Variants in AP4B1 observed in about 807,000 individuals in gnomAD.
The protein encoded by AP4B1 is AP-4 complex subunit beta-1.
Under a neutral mutation model 76.5 loss-of-function variants are expected in AP4B1, and 49 were observed. That is an observed-to-expected ratio of 0.64 (90% CI 0.51 to 0.81). The LOEUF is 0.81. AP4B1 is among the 40% of genes least tolerant of loss of function. AP4B1 has a pLI of 0.00. For missense variants in AP4B1, 911 were observed against 904.9 expected (o/e 1.01, Z -0.09); for synonymous variants, 330 against 333.3 (o/e 0.99, Z 0.11).
rs1444723070 is a variant in AP4B1, at chr1:113,904,593, G to C, written c.113+12C>G. On this transcript the variant is annotated intron_variant, in intron 1 of 9. Coordinates refer to ENST00000369569, the MANE Select transcript of AP4B1 (RefSeq NM_001253852.3). ...AGGGAGCAGTTAGCACGCGAAGGGA[G>C]GTAGGTGATACCTAATCACTCGCTG... 1.9e-6 allele frequency: 3 copies of C among 1,612,456 alleles called. No individual in the cohort carries two copies. Among genetic ancestry groups the C allele is most frequent in the Non-Finnish European group, 2.5e-6 (3 of 1,178,528 alleles).
intron 6 of AP4B1, among the ~76,000 whole-genome samples, chr1:113,898,271 G>A (rs1362032818): frequency 6.6e-6 from 1 of 152,160 alleles, no homozygotes; most frequent in African/African-American, 2.4e-5. Context: ...CCAGGCCTGG[G>A]AAAATGATAA....
intron 3 of AP4B1, 21 bp downstream of exon 3, chr1:113,901,734 G>T: frequency 6.2e-7 from 1 of 1,614,074 alleles, no homozygotes; most frequent in South Asian, 1.1e-5. Flanking sequence ...CATTGACCAT[G>T]ATGGATTACA....
chr1:113,900,397 C>T lies in AP4B1; in HGVS notation c.621G>A (p.Met207Ile), dbSNP rs1279396868. The T allele has an allele frequency of 6.2e-7, 1 of 1,613,340 alleles. No homozygotes were observed. The highest frequency in any genetic ancestry group is 1.3e-5 in the African/African-American group (1 of 75,012). Residue 207 changes from methionine to isoleucine, a missense_variant, in exon 5 of 10, where the codon ATG becomes ATA. Met to Ile is a conservative substitution (Grantham distance 10). Transcript: ENST00000369569. ...KPIAHHLLNR[M>I]SKLDQWGQAE... Reference sequence around the variant, plus strand: ...CCTGGCCCCATTGGTCCAGTTTTGACATTCTATCCAAAAAACAAAACAAAA... The same window carrying T: ...CCTGGCCCCATTGGTCCAGTTTTGATATTCTATCCAAAAAACAAAACAAAA...
chr1:113,899,875 C>T (rs1391634567), intron 5 of AP4B1, 29 bp downstream of exon 5: 7 of 1,614,058 alleles, frequency 4.3e-6, no homozygotes, highest in Non-Finnish European at 5.9e-6. Flanking sequence ...GGTCTAGGTT[C>T]TCAAGAAGGA....
At position 113,895,054 on chromosome 1, in the gene AP4B1, A is replaced by ACT; in HGVS notation, c.*10_*11insAG. The ACT allele has an allele frequency of 6.2e-7, 1 of 1,611,404 alleles. No homozygotes were observed. Among genetic ancestry groups the ACT allele is most frequent in the Non-Finnish European group, 8.5e-7 (1 of 1,178,530 alleles). ...TTATTCATCTTACTCTAGACAAGCA[A>ACT]CAAGACTCTGTTATGATTTTATTTC... On this transcript the variant is annotated 3_prime_UTR_variant, in exon 10 of 10. Transcript: ENST00000369569.
rs1302633687 is a variant in AP4B1 at position 113,902,816 on chromosome 1, C to T, written c.160G>A (p.Val54Met). 3.0e-5 allele frequency: 49 copies of T among 1,614,080 alleles called. No individual in the cohort carries two copies. Among genetic ancestry groups the T allele is most frequent in the Non-Finnish European group, 3.8e-5 (45 of 1,180,042 alleles). Reference sequence around the variant, plus strand: ...ATATCTACAGTGGCACTGGCCTTCACCATTTCCATAAAAACACCAGACATG... The same window carrying T: ...ATATCTACAGTGGCACTGGCCTTCATCATTTCCATAAAAACACCAGACATG... ...LDMSGVFMEMVKASATVDIVQ... is the reference protein window; with the variant it reads ...LDMSGVFMEMMKASATVDIVQ... Residue 54 changes from valine (V) to methionine (M), a missense_variant, in exon 2 of 10, where the codon GTG becomes ATG. By Grantham distance (21) the Val-to-Met change is conservative (BLOSUM62 1). Coordinates refer to ENST00000369569, the MANE Select transcript of AP4B1 (RefSeq NM_001253852.3).
upstream of AP4B1, chr1:113,904,839 C>A (rs1348106633): frequency 2.2e-6 from 2 of 902,294 alleles, 1 homozygote; most frequent in South Asian, 2.6e-5. Context: ...AAGGCGAGAT[C>A]TCGCCTCAGG....
intron 4 of AP4B1, chr1:113,901,000 G>T: frequency 2.0e-6 from 1 of 510,968 alleles, no homozygotes; most frequent in Non-Finnish European, 3.5e-6. Flanking sequence ...CCAGCTACTC[G>T]GGAGGCTGAG....
intron 1 of AP4B1, among the ~76,000 whole-genome samples, chr1:113,904,137 C>A (rs1313617538): frequency 6.6e-6 from 1 of 152,194 alleles, no homozygotes; most frequent in Non-Finnish European, 1.5e-5. Context: ...TTCAAACCAT[C>A]TGACATAAGA....
At chr1:113,896,127 G>A (rs1169121249) in intron 8 of AP4B1, 89 bp from the exon 9 acceptor site, 4 of 1,601,212 alleles carry the variant, frequency 2.5e-6, no homozygotes, top group African/African-American at 1.3e-5. Context: ...AAAAAATGAA[G>A]GAGAGAGGAA....
chr1:113,895,561 T>G, intron 9 of AP4B1, 69 bp from the exon 10 acceptor site: 2 of 1,591,010 alleles, frequency 1.3e-6, no homozygotes, highest in Non-Finnish European at 8.6e-7. Context: ...TTATCCAAAT[T>G]CCCAAATGTA....
intron 2 of AP4B1, 142 bp downstream of exon 2, chr1:113,902,496 T>C (rs1668404317): frequency 2.4e-6 from 2 of 827,002 alleles, no homozygotes; most frequent in East Asian, 2.7e-5. Flanking sequence ...GCCAAAGCAG[T>C]GGCTGAAAAT....
intron 3 of AP4B1, 137 bp downstream of exon 3, chr1:113,901,618 C>T: frequency 1.5e-6 from 2 of 1,348,190 alleles, no homozygotes; most frequent in Non-Finnish European, 2.1e-6. Flanking sequence ...CCAGAAGATA[C>T]CAAGCCCTGC....
Position 113,895,415 on chromosome 1 carries a change from G to A in AP4B1, c.1870C>T (p.Arg624Cys), listed in dbSNP as rs368828060. 4.3e-5 allele frequency: 70 copies of A among 1,614,072 alleles called. No homozygotes were observed. The highest frequency in any genetic ancestry group is 5.3e-5 in the Non-Finnish European group (62 of 1,180,042). ...TCAAAATAATCAGCAGTAAGCTGGC[G>A]ATTGGGGACTAGCATGAGGGCTCCA... Reference protein sequence around the residue: ...DSGALMLVPNRQLTADYFEKT... With the variant: ...DSGALMLVPNCQLTADYFEKT... The change falls in exon 10 of 10, where the codon CGC (arginine) becomes TGC (cysteine). Residue 624 changes from arginine (R) to cysteine (C), a missense_variant. Physicochemically the swap from Arg to Cys is radical, Grantham distance 180. Coordinates refer to ENST00000369569, the MANE Select transcript of AP4B1 (RefSeq NM_001253852.3).
intron 4 of AP4B1, 25 bp downstream of exon 4, chr1:113,901,211 A>G: frequency 6.2e-7 from 1 of 1,613,816 alleles, no homozygotes; most frequent in Non-Finnish European, 8.5e-7. Context: ...ATCTCATAAT[A>G]AAAAGAGTGC....
Position 113,901,268 on chromosome 1 carries a change from G to A in AP4B1, c.585C>T (p.Ile195=). 1 of 1,614,164 alleles carries A rather than the reference G, an allele frequency of 6.2e-7. No individual in the cohort carries two copies. Among genetic ancestry groups the A allele is most frequent in the Non-Finnish European group, 8.5e-7 (1 of 1,180,028 alleles). ...EILKQEGGVV[I]NKPIAHHLLN... Reference sequence around the variant, plus strand: ...AGAGATGGTGAGCAATGGGCTTATTGATGACAACGCCTCCTTCCTGTTTCA... The same window carrying A: ...AGAGATGGTGAGCAATGGGCTTATTAATGACAACGCCTCCTTCCTGTTTCA... Residue 195 remains isoleucine (I), a synonymous_variant, in exon 4 of 10, where the codon ATC becomes ATT. Transcript: ENST00000369569.
At chr1:113,895,517 G>C in intron 9 of AP4B1, 25 bp from the exon 10 acceptor site, 1 of 1,613,464 alleles carries the variant, frequency 6.2e-7, no homozygotes, top group Non-Finnish European at 8.5e-7. Context: ...AAACTTGTGT[G>C]AAAGATGTTC....
intron 5 of AP4B1, 195 bp from the exon 6 acceptor site, chr1:113,898,996 C>G: frequency 9.8e-7 from 1 of 1,024,386 alleles, no homozygotes; most frequent in Non-Finnish European, 1.4e-6. Context: ...ATCATTTTTT[C>G]TCACTGACTA....
chr1:113,896,096 T>C, intron 8 of AP4B1, 58 bp from the exon 9 acceptor site: 5 of 1,610,882 alleles, frequency 3.1e-6, no homozygotes, highest in Admixed American at 1.7e-5. Context: ...CTCCTACTCT[T>C]GTGCCAACCA....
Sources: gnomAD v4.1 joint callset for allele counts (sites outside exome capture counted in the v4.1 genomes callset) on GRCh38, gnomAD v4.1.1 for gene constraint, MANE v1.5 for transcripts, NCBI Gene and HGNC (gene_info 2026-07-23, HGNC 2026-07-21) for gene names.